Variants in CFAP20DC observed in about 807,000 individuals in gnomAD.
CFAP20DC encodes the protein protein CFAP20DC.
Under a neutral mutation model 101.7 loss-of-function variants are expected in CFAP20DC, and 84 were observed. The observed-to-expected ratio is 0.83, with a 90% CI of 0.69 to 0.99. The LOEUF (loss-of-function observed/expected upper bound fraction) is 0.99, where lower values mean the gene tolerates loss of function less well. Ranked by LOEUF, CFAP20DC falls within the 50% of genes least tolerant of loss-of-function variation. The probability of loss-of-function intolerance (pLI) is 0.00; values close to 1 mark genes in which losing one functional copy is unlikely to be tolerated. For missense variants in CFAP20DC, 1,007 were observed against 970.3 expected (o/e 1.04, Z -0.50); for synonymous variants, 359 against 351.2 (o/e 1.02, Z -0.25).
At chr3:58,880,409 C>G (rs113685635) in intron 7 of CFAP20DC, among the ~76,000 whole-genome samples, 1 of 152,262 alleles carries the variant, frequency 6.6e-6, no homozygotes, top group East Asian at 1.9e-4. Flanking sequence ...CTTCGTATAG[C>G]TGCATGATAT....
chr3:59,004,498 C>A (rs978804198), intron 4 of CFAP20DC, among the ~76,000 whole-genome samples: 1 of 152,174 alleles, frequency 6.6e-6, no homozygotes, highest in African/African-American at 2.4e-5. Flanking sequence ...AGTCTCCAAG[C>A]AACCTCTGGC....
intron 4 of CFAP20DC, among the ~76,000 whole-genome samples, chr3:58,939,059 G>A (rs145077438): frequency 0.014 from 2,202 of 152,260 alleles, 20 homozygotes; most frequent in Middle Eastern, 0.024. Context: ...CACATGGGGA[G>A]GGGGAGTGAT....
In CFAP20DC at chr3:58,914,583, A is replaced by G. The variant is rs1432016325; in HGVS notation, c.394-719T>C. 6.6e-6 allele frequency among the ~76,000 whole-genome samples: 1 copy of G among 151,780 alleles called. No individual in the cohort carries two copies. The highest frequency in any genetic ancestry group is 1.5e-5 in the Non-Finnish European group (1 of 67,934). The stretch of plus-strand genomic sequence containing the variant: ...CCAGAAAAATAATTTTTGAAATGAA[A>G]AGTAGTATTAAAGTTTTATGTGCTT... On this transcript the variant is annotated intron_variant, in intron 5 of 16. Transcript: ENST00000482387. This position sits in a 1 kb window ranked among gnomAD's most constrained non-coding sequence, Gnocchi z 4.9.
chr3:58,977,620 A>G (rs977339429), intron 4 of CFAP20DC, among the ~76,000 whole-genome samples: 1 of 151,764 alleles, frequency 6.6e-6, no homozygotes, highest in Non-Finnish European at 1.5e-5. Flanking sequence ...ATACTTACTG[A>G]GGGTTTACAT....
At chr3:58,927,937 T>A (rs1229692061) in intron 5 of CFAP20DC, among the ~76,000 whole-genome samples, 1 of 152,154 alleles carries the variant, frequency 6.6e-6, no homozygotes, top group East Asian at 1.9e-4. Flanking sequence ...ACCTCTTGGA[T>A]TGGGAGGAAT....
intron 15 of CFAP20DC, among the ~76,000 whole-genome samples, chr3:58,758,683 C>T (rs141469392): frequency 2.6e-3 from 389 of 152,236 alleles, no homozygotes; most frequent in African/African-American, 8.2e-3. Context: ...TGCTATCCCT[C>T]CCCCTTCCCC....
At chr3:58,908,907 T>C (rs1403611740) in intron 6 of CFAP20DC, among the ~76,000 whole-genome samples, 1 of 152,156 alleles carries the variant, frequency 6.6e-6, no homozygotes, top group Non-Finnish European at 1.5e-5. Flanking sequence ...CTGAAAAGGC[T>C]ACATACTATA....
chr3:58,975,291 A>G lies in CFAP20DC; in HGVS notation c.279-37529T>C, dbSNP rs189746777. Among the ~76,000 whole-genome samples, 38 of 152,224 alleles carry G rather than the reference A, an allele frequency of 2.5e-4. 1 individual carries two copies. The East Asian group carries it at 7.1e-3, about 29-fold the overall frequency. On this transcript the variant is annotated intron_variant, in intron 4 of 16. Transcript: ENST00000482387. Reference sequence around the variant, plus strand: ...AGTTTTTTTCAGAGTACTTACCACAATTTGTAACTATTTTATTTGCTTGCT... The same window carrying G: ...AGTTTTTTTCAGAGTACTTACCACAGTTTGTAACTATTTTATTTGCTTGCT...
At chr3:58,833,252 T>C (rs1284202328) in intron 13 of CFAP20DC, among the ~76,000 whole-genome samples, 1 of 152,198 alleles carries the variant, frequency 6.6e-6, no homozygotes, top group Non-Finnish European at 1.5e-5. Flanking sequence ...TAAATCCTTA[T>C]AGTTCATGGC....
chr3:59,005,993 T>C lies in CFAP20DC; in HGVS notation c.278+33564A>G, dbSNP rs368746325. 1.6e-4 allele frequency among the ~76,000 whole-genome samples: 24 copies of C among 152,322 alleles called. No individual in the cohort carries two copies. The East Asian group carries it at 3.1e-3, about 20-fold the overall frequency. On this transcript the variant is annotated intron_variant, in intron 4 of 16. Coordinates refer to ENST00000482387, the MANE Select transcript of CFAP20DC (RefSeq NM_001394063.1). Reference sequence around the variant, plus strand: ...AACACCTTATAGTAATTTGGGCATATAGAGGAAGGGAAATAATTCACAAGA... The same window carrying C: ...AACACCTTATAGTAATTTGGGCATACAGAGGAAGGGAAATAATTCACAAGA...
chr3:58,744,920 T>C (rs564329258), intron 16 of CFAP20DC, among the ~76,000 whole-genome samples: 1 of 152,322 alleles, frequency 6.6e-6, no homozygotes, highest in East Asian at 1.9e-4. Flanking sequence ...CCAGATCCAA[T>C]GATCCCTGTA....
At position 58,882,806 on chromosome 3, in the gene CFAP20DC, T is replaced by C. The variant is rs530845126; in HGVS notation, c.715+1739A>G. 4.6e-5 allele frequency among the ~76,000 whole-genome samples: 7 copies of C among 152,276 alleles called. No homozygotes were observed. Among genetic ancestry groups the C allele is most frequent in the Admixed American group, 3.3e-4 (5 of 15,284 alleles). ...TGCTATCAAAAAGTCCTACCTAAAG[T>C]TGGTAACTGTGGAAGCAGGTGATTG... On this transcript the variant is annotated intron_variant, in intron 7 of 16. Transcript: ENST00000482387. This position sits in a 1 kb window ranked among gnomAD's most constrained non-coding sequence, Gnocchi z 4.2.
chr3:58,806,705 A>C (rs2074091405), intron 14 of CFAP20DC, among the ~76,000 whole-genome samples: 2 of 152,204 alleles, frequency 1.3e-5, no homozygotes, highest in African/African-American at 4.8e-5. Flanking sequence ...AGGGAGTGCC[A>C]GATAGTGGGT....
At chr3:58,852,627 A>T (rs931805421) in intron 12 of CFAP20DC, among the ~76,000 whole-genome samples, 2 of 150,512 alleles carry the variant, frequency 1.3e-5, no homozygotes, top group African/African-American at 4.9e-5. Flanking sequence ...AAATTATAAC[A>T]AACTATCTCT....
intron 5 of CFAP20DC, among the ~76,000 whole-genome samples, chr3:58,934,706 T>C (rs2087268007): frequency 6.6e-6 from 1 of 152,198 alleles, no homozygotes; most frequent in Non-Finnish European, 1.5e-5. Context: ...GAAAAGGCCT[T>C]TGACAAAATT....
At chr3:58,848,025 G>GA (rs1244522431) in intron 13 of CFAP20DC, among the ~76,000 whole-genome samples, 11 of 112,696 alleles carry the variant, frequency 9.8e-5, no homozygotes, top group Non-Finnish European at 1.8e-4. Context: ...TGTGGGGTGG[G>GA]GGGAGGGGGG....
chr3:58,809,344 T>A (rs555062071), intron 14 of CFAP20DC, among the ~76,000 whole-genome samples: 10 of 152,058 alleles, frequency 6.6e-5, no homozygotes, highest in African/African-American at 2.2e-4. Context: ...GAAATTATAA[T>A]AAATTGTCTC....
In CFAP20DC at chr3:58,860,314, T is replaced by TA. The variant is rs748216181; in HGVS notation, c.1593+3243dup. Among the ~76,000 whole-genome samples, 22 of 151,822 alleles carry TA rather than the reference T, an allele frequency of 1.4e-4. No individual in the cohort carries two copies. The East Asian group carries it at 1.5e-3, about 11-fold the overall frequency. On this transcript the variant is annotated intron_variant, in intron 12 of 16. Coordinates refer to ENST00000482387, the MANE Select transcript of CFAP20DC (RefSeq NM_001394063.1). ...ATGAAATAGCTTAACTACTGACTGC[T>TA]AAAAAAAACTCTTGAAAGCAATGAC...
intron 3 of CFAP20DC, chr3:58,726,946 T>C (rs1417782837): frequency 4.1e-6 from 1 of 243,092 alleles, no homozygotes; most frequent in East Asian, 1.6e-4. Flanking sequence ...ACTCACGCCA[T>C]CAGAAGAGAT....
Sources: allele counts gnomAD v4.1 joint callset (sites outside exome capture counted in the v4.1 genomes callset), GRCh38; gene constraint gnomAD v4.1.1; non-coding constraint Gnocchi (gnomAD v3.1); transcripts MANE v1.5; gene names NCBI Gene and HGNC (gene_info 2026-07-23, HGNC 2026-07-21).